The following PPP1CB variants were observed in gnomAD, a reference collection of about 807,000 sequenced individuals.
The protein encoded by PPP1CB is protein phosphatase 1 catalytic subunit beta.
In PPP1CB, 2 loss-of-function variants were observed where a neutral mutation model predicts 43.7. The ratio of observed to expected loss-of-function variants is 0.05; its 90% CI spans 0.02 to 0.14. PPP1CB has a LOEUF of 0.14. Ranked by LOEUF, PPP1CB falls within the 10% of genes least tolerant of loss-of-function variation. The pLI is 1.00. For synonymous variants in PPP1CB, 136 were observed against 135.6 expected (o/e 1.00, Z -0.02); for missense variants, 84 against 398.0 (o/e 0.21, Z 6.71).
At chr2:28,756,234 T>C (rs1306357204) in intron 1 of PPP1CB, among the ~76,000 whole-genome samples, 1 of 152,246 alleles carries the variant, frequency 6.6e-6, no homozygotes, top group African/African-American at 2.4e-5. Flanking sequence ...AACTTGACTA[T>C]TACAATATGA....
intron 5 of PPP1CB, among the ~76,000 whole-genome samples, chr2:28,787,752 A>G (rs548276466): frequency 2.0e-4 from 30 of 152,222 alleles, no homozygotes; most frequent in African/African-American, 6.3e-4. Context: ...TTCCTTCTCA[A>G]TACCTAATGT....
In PPP1CB at chr2:28,801,326, G is replaced by C. The variant is rs1667611213; in HGVS notation, c.*2023G>C. On this transcript the variant is annotated 3_prime_UTR_variant, in exon 8 of 8. Coordinates refer to ENST00000395366, the MANE Select transcript of PPP1CB (RefSeq NM_002709.3). Reference sequence around the variant, plus strand: ...AATAAGCCTTTGGCAGGGAAAAAGGGCAATGTTGATTAATCTCAGTATTAA... The same window carrying C: ...AATAAGCCTTTGGCAGGGAAAAAGGCCAATGTTGATTAATCTCAGTATTAA... The C allele has an allele frequency of 6.6e-6, 1 of 152,042 alleles. No individual in the cohort carries two copies. Among genetic ancestry groups the C allele is most frequent in the African/African-American group, 2.4e-5 (1 of 41,408 alleles). The allele number at this position is 152,042 out of a possible 1,614,324, so 9.4% of individuals were successfully genotyped here.
chr2:28,786,554 T>C (rs1667268852), intron 5 of PPP1CB, among the ~76,000 whole-genome samples: 2 of 152,154 alleles, frequency 1.3e-5, no homozygotes, highest in East Asian at 1.9e-4. Flanking sequence ...TTTTATTGTC[T>C]CACTGAAATT....
At position 28,799,254 on chromosome 2, in the gene PPP1CB, G is replaced by A. The variant is rs781756970; in HGVS notation, c.935G>A (p.Gly312Glu). The A allele has an allele frequency of 1.9e-6, 3 of 1,611,440 alleles. No homozygotes were observed. The highest frequency in any genetic ancestry group is 1.7e-6 in the Non-Finnish European group (2 of 1,177,700). The change falls in exon 8 of 8, where the codon GGA becomes GAA. Residue 312 changes from glycine (G) to glutamate (E), a missense_variant. Physicochemically the swap from Gly to Glu is moderately conservative, Grantham distance 98. This residue lies in a region of PPP1CB where 14 missense variants were observed against 30.9 expected (regional missense o/e 0.45). Transcript: ENST00000395366. ...TACCAGTATGGTGGACTGAATTCTG[G>A]ACGTCCTGTCACTCCACCTCGAACA... ...AKYQYGGLNS[G>E]RPVTPPRTAN...
Position 28,800,778 on chromosome 2 carries a change from A to C in PPP1CB, c.*1475A>C, listed in dbSNP as rs1667597516. 1 of 152,514 alleles carries C rather than the reference A, an allele frequency of 6.6e-6. No individual in the cohort carries two copies. Among genetic ancestry groups the C allele is most frequent in the Non-Finnish European group, 1.5e-5 (1 of 67,924 alleles). 9.4% of individuals were successfully genotyped at this position (152,514 alleles called of 1,614,324 possible). A position where few individuals can be genotyped will look rare whatever the true frequency, so the allele number is the denominator to read the frequency against. ...TAAGCTTCATAGGGATGGACATCAT[A>C]TCTATAATGCCCTTCTATATGTGCT... On this transcript the variant is annotated 3_prime_UTR_variant, in exon 8 of 8. Coordinates refer to ENST00000395366, the MANE Select transcript of PPP1CB (RefSeq NM_002709.3).
At chr2:28,792,639 A>G (rs1487057284) in intron 6 of PPP1CB, among the ~76,000 whole-genome samples, 1 of 152,206 alleles carries the variant, frequency 6.6e-6, no homozygotes, top group East Asian at 1.9e-4. Context: ...GTTCATCTAA[A>G]TTGTACCATA....
At chr2:28,796,990 A>G (rs145804484) in intron 7 of PPP1CB, among the ~76,000 whole-genome samples, 86 of 152,194 alleles carry the variant, frequency 5.7e-4, no homozygotes, top group African/African-American at 1.9e-3. Flanking sequence ...TTAACATGAA[A>G]GGGTGTTGAA....
chr2:28,773,192 A>G (rs1666951010), intron 1 of PPP1CB, among the ~76,000 whole-genome samples: 1 of 152,198 alleles, frequency 6.6e-6, no homozygotes, highest in South Asian at 2.1e-4. Context: ...TATGTATGTA[A>G]TATGTTAAAA....
intron 1 of PPP1CB, among the ~76,000 whole-genome samples, chr2:28,754,193 C>T (rs1559038505): frequency 6.6e-6 from 1 of 151,994 alleles, no homozygotes; most frequent in Non-Finnish European, 1.5e-5. Context: ...ATTAGACGCA[C>T]CTTTATATGA....
chr2:28,774,379 G>T (rs1479502514), intron 1 of PPP1CB, among the ~76,000 whole-genome samples: 1 of 152,146 alleles, frequency 6.6e-6, no homozygotes, highest in East Asian at 1.9e-4. Context: ...ACTTTTAGCT[G>T]TGTGTTTGTT....
intron 1 of PPP1CB, among the ~76,000 whole-genome samples, chr2:28,755,812 A>G (rs1457627029): frequency 6.6e-6 from 1 of 152,226 alleles, no homozygotes; most frequent in Non-Finnish European, 1.5e-5. Flanking sequence ...TCTGTTCCCA[A>G]CCACAGTCTT....
At chr2:28,776,559 C>T (rs1179306336) in intron 1 of PPP1CB, among the ~76,000 whole-genome samples, 1 of 152,082 alleles carries the variant, frequency 6.6e-6, no homozygotes, top group East Asian at 1.9e-4. Flanking sequence ...CGTGCCCGGC[C>T]CTGAAATCTT....
intron 1 of PPP1CB, among the ~76,000 whole-genome samples, chr2:28,774,425 G>C (rs932845334): frequency 1.3e-5 from 2 of 152,056 alleles, no homozygotes; most frequent in Non-Finnish European, 2.9e-5. Flanking sequence ...ATTCTTCCAA[G>C]GCGAATACTT....
chr2:28,779,787 T>C (rs1004737849), intron 3 of PPP1CB, among the ~76,000 whole-genome samples: 6 of 152,224 alleles, frequency 3.9e-5, no homozygotes, highest in African/African-American at 1.4e-4. Context: ...TTCAAACTCA[T>C]ATCTCCTTGA....
At chr2:28,787,230 C>G (rs549395418) in intron 5 of PPP1CB, among the ~76,000 whole-genome samples, 1 of 152,126 alleles carries the variant, frequency 6.6e-6, no homozygotes, top group Non-Finnish European at 1.5e-5. Flanking sequence ...GAGGCCGAAG[C>G]GGGCGGATCA....
At chr2:28,784,062 C>T in intron 5 of PPP1CB, 84 bp downstream of exon 5, 1 of 1,033,334 alleles carries the variant, frequency 9.7e-7, no homozygotes, top group Non-Finnish European at 1.5e-6. Context: ...GTAGGATTGG[C>T]TTATGTAATA....
At chr2:28,776,225 G>T (rs576380552) in intron 1 of PPP1CB, among the ~76,000 whole-genome samples, 12 of 149,348 alleles carry the variant, frequency 8.0e-5, no homozygotes, top group South Asian at 6.4e-4. Context: ...ATGTTTTTTT[G>T]TGTGTGTTTT....
At chr2:28,792,478 C>G (rs1667409105) in intron 6 of PPP1CB, among the ~76,000 whole-genome samples, 1 of 152,124 alleles carries the variant, frequency 6.6e-6, no homozygotes, top group African/African-American at 2.4e-5. Flanking sequence ...GCCAAGATTG[C>G]ACCACTACAC....
chr2:28,770,571 A>G (rs1666884848), intron 1 of PPP1CB, among the ~76,000 whole-genome samples: 1 of 152,174 alleles, frequency 6.6e-6, no homozygotes, highest in Non-Finnish European at 1.5e-5. Flanking sequence ...TATATGTAAT[A>G]GTATAGGTCT....
Sources: gnomAD v4.1 joint callset for allele counts (sites outside exome capture counted in the v4.1 genomes callset) on GRCh38, gnomAD v4.1.1 for gene constraint, gnomAD v4.1.1 regional missense constraint, MANE v1.5 for transcripts, NCBI Gene and HGNC (gene_info 2026-07-23, HGNC 2026-07-21) for gene names.